The following L3MBTL4 variants were observed in gnomAD, a reference collection of about 807,000 sequenced individuals.
L3MBTL4 encodes L3MBTL histone methyl-lysine binding protein 4.
In L3MBTL4, 70 loss-of-function variants were observed where a neutral mutation model predicts 84.5. That is an observed-to-expected ratio of 0.83 (90% CI 0.68 to 1.01). The LOEUF is 1.01. L3MBTL4 is among the 50% of genes least tolerant of loss of function. The probability of loss-of-function intolerance (pLI) is 0.00; values close to 1 mark genes in which losing one functional copy is unlikely to be tolerated. For missense variants in L3MBTL4, 715 were observed against 754.8 expected (o/e 0.95, Z 0.62); for synonymous variants, 274 against 259.8 (o/e 1.05, Z -0.52).
intron 1 of L3MBTL4, among the ~76,000 whole-genome samples, chr18:6,334,538 G>T (rs973242932): frequency 4.6e-5 from 7 of 152,240 alleles, no homozygotes; most frequent in African/African-American, 1.7e-4. Context: ...AAAAAGTAAA[G>T]GGGAGTTCCT....
intron 1 of L3MBTL4, among the ~76,000 whole-genome samples, chr18:6,335,702 G>T (rs764654050): frequency 7.9e-5 from 12 of 152,156 alleles, no homozygotes; most frequent in Non-Finnish European, 1.5e-4. Flanking sequence ...ATGCTGTTCT[G>T]ATGGTGAGTG....
intron 3 of L3MBTL4, 45 bp downstream of exon 3, chr18:6,311,509 A>G (rs1486971036): frequency 4.0e-6 from 6 of 1,508,654 alleles, no homozygotes; most frequent in Non-Finnish European, 5.5e-6. Context: ...GCATTTTGGT[A>G]GCGATCACAC....
At chr18:6,099,986 A>C (rs2058767170) in intron 14 of L3MBTL4, among the ~76,000 whole-genome samples, 1 of 152,154 alleles carries the variant, frequency 6.6e-6, no homozygotes. Context: ...GTATGTGGCC[A>C]CTTAGGAAGC....
intron 14 of L3MBTL4, among the ~76,000 whole-genome samples, chr18:6,117,709 A>G (rs1429794498): frequency 6.6e-6 from 1 of 152,242 alleles, no homozygotes; most frequent in Non-Finnish European, 1.5e-5. Flanking sequence ...ACAGCGTCCT[A>G]TGTTAAAATC....
At chr18:6,041,583 C>T (rs924310816) in intron 16 of L3MBTL4, among the ~76,000 whole-genome samples, 6 of 151,280 alleles carry the variant, frequency 4.0e-5, no homozygotes, top group Admixed American at 2.6e-4. Context: ...TCTTCCTGTG[C>T]GTGCATAGGC....
chr18:6,244,935 T>A (rs1333348246), intron 5 of L3MBTL4, among the ~76,000 whole-genome samples: 1 of 152,172 alleles, frequency 6.6e-6, no homozygotes, highest in Non-Finnish European at 1.5e-5. Context: ...AAATAAGAAT[T>A]TTTTTTGAGA....
chr18:6,040,279 C>T (rs909963096), intron 16 of L3MBTL4, among the ~76,000 whole-genome samples: 1 of 152,142 alleles, frequency 6.6e-6, no homozygotes, highest in African/African-American at 2.4e-5. Context: ...GCAATTTTGT[C>T]CCCTTCATCC....
At chr18:6,180,891 C>A (rs1447592263) in intron 12 of L3MBTL4, among the ~76,000 whole-genome samples, 1 of 152,176 alleles carries the variant, frequency 6.6e-6, no homozygotes, top group Non-Finnish European at 1.5e-5. Flanking sequence ...AAGTGTCCGT[C>A]AACTGATGAA....
intron 14 of L3MBTL4, among the ~76,000 whole-genome samples, chr18:6,102,527 GA>G (rs2058866672): frequency 6.6e-6 from 1 of 152,162 alleles, no homozygotes; most frequent in Non-Finnish European, 1.5e-5. Flanking sequence ...CCATTTTCTA[GA>G]AGAAACAACA....
intron 16 of L3MBTL4, among the ~76,000 whole-genome samples, chr18:6,013,331 T>C (rs2054821075): frequency 6.6e-6 from 1 of 152,210 alleles, no homozygotes; most frequent in African/African-American, 2.4e-5. Context: ...GCTTCCTGCA[T>C]TGTCTTGCTC....
chr18:6,269,681 C>T (rs561347065), intron 4 of L3MBTL4, among the ~76,000 whole-genome samples: 3 of 152,272 alleles, frequency 2.0e-5, no homozygotes, highest in Non-Finnish European at 4.4e-5. Flanking sequence ...TATGATCACA[C>T]ATTACTTTTT....
intron 5 of L3MBTL4, among the ~76,000 whole-genome samples, chr18:6,249,388 A>G (rs112684285): frequency 3.3e-4 from 50 of 152,320 alleles, no homozygotes; most frequent in African/African-American, 1.1e-3. Flanking sequence ...ATACTGTCTT[A>G]TCACACGTGA....
intron 5 of L3MBTL4, among the ~76,000 whole-genome samples, chr18:6,261,148 G>T (rs2048382710): frequency 6.6e-6 from 1 of 152,144 alleles, no homozygotes; most frequent in South Asian, 2.1e-4. Context: ...ACCTCAGATT[G>T]TTGCTGTGTT....
At position 6,160,440 on chromosome 18, in the gene L3MBTL4, G is replaced by A. The variant is rs994908400; in HGVS notation, c.1096+11388C>T. Among the ~76,000 whole-genome samples, 86 of 152,196 alleles carry A rather than the reference G, an allele frequency of 5.7e-4. 1 individual carries two copies. The highest frequency in any genetic ancestry group is 2.6e-3 in the Admixed American group (40 of 15,280). On this transcript the variant is annotated intron_variant, in intron 13 of 18. Coordinates refer to ENST00000317931, the MANE Select transcript of L3MBTL4 (RefSeq NM_001330559.2). ...CAGAGGTCATGGAACTCATCCAAAC[G>A]CACAGAGTTGGCCAGGGGCGGTGGC...
chr18:6,071,092 T>A (rs555110859), intron 16 of L3MBTL4, among the ~76,000 whole-genome samples: 2 of 152,118 alleles, frequency 1.3e-5, no homozygotes, highest in African/African-American at 4.8e-5. Context: ...AAAACAATTA[T>A]AGAGATGGTA....
rs747098301 is a variant in L3MBTL4, at chr18:6,414,390, G to C, written c.-91+411C>G. Among the ~76,000 whole-genome samples, 1 of 152,116 alleles carries C rather than the reference G, an allele frequency of 6.6e-6. No individual in the cohort carries two copies. Among genetic ancestry groups the C allele is most frequent in the African/African-American group, 2.4e-5 (1 of 41,438 alleles). ...ACCGCCGGGCGCTCGATGGCCGGAG[G>C]ACTGCCTGGGGGCCCTCAGGAGTCC... On this transcript the variant is annotated intron_variant, in intron 1 of 18. Transcript: ENST00000317931. The surrounding 1 kb of genome is among the most constrained non-coding windows in gnomAD (Gnocchi z 5.4).
chr18:6,395,880 TA>T (rs2055250361), intron 1 of L3MBTL4: 1 of 152,150 alleles, frequency 6.6e-6, no homozygotes, highest in Non-Finnish European at 1.5e-5. Flanking sequence ...CCCAATGTCT[TA>T]AAATAAGTAC....
intron 1 of L3MBTL4, among the ~76,000 whole-genome samples, chr18:6,323,149 G>A (rs1167509325): frequency 6.6e-6 from 1 of 152,190 alleles, no homozygotes; most frequent in Non-Finnish European, 1.5e-5. Flanking sequence ...CATGCTTCCT[G>A]TACAGACTGT....
intron 16 of L3MBTL4, among the ~76,000 whole-genome samples, chr18:6,038,150 T>C (rs2056223557): frequency 6.6e-6 from 1 of 152,004 alleles, no homozygotes; most frequent in Non-Finnish European, 1.5e-5. Flanking sequence ...CACAATGAGA[T>C]TTAATCAATA....
Sources: gnomAD v4.1 joint callset for allele counts (sites outside exome capture counted in the v4.1 genomes callset) on GRCh38, gnomAD v4.1.1 for gene constraint, Gnocchi (gnomAD v3.1) non-coding constraint, MANE v1.5 for transcripts, NCBI Gene and HGNC (gene_info 2026-07-23, HGNC 2026-07-21) for gene names.